ARHGAP8: variants seen among roughly 807,000 people sequenced by gnomAD.
ARHGAP8 encodes Rho GTPase activating protein 8.
A neutral mutation model predicts 46.1 loss-of-function variants in ARHGAP8; 62 were observed. The ratio of observed to expected loss-of-function variants is 1.34; its 90% CI spans 1.10 to 1.66. The LOEUF (loss-of-function observed/expected upper bound fraction) is 1.66. Among genes scored for constraint, ARHGAP8 ranks in the 40% most tolerant of loss-of-function variants. The probability of loss-of-function intolerance (pLI) is 0.00; values close to 1 mark genes in which losing one functional copy is unlikely to be tolerated. For synonymous variants in ARHGAP8, 375 were observed against 243.1 expected, an observed-to-expected ratio of 1.54 and a Z score of -5.05; for missense variants, 923 against 568.4, an observed-to-expected ratio of 1.62 and a Z score of -6.34.
At position 44,817,880 on chromosome 22, in the gene ARHGAP8, C is replaced by T. The variant is rs567019773; in HGVS notation, c.386+3122C>T. 5.3e-5 allele frequency among the ~76,000 whole-genome samples: 8 copies of T among 152,138 alleles called. No homozygotes were observed. In the East Asian group the frequency reaches 1.5e-3, roughly 29 times the overall value. On this transcript the variant is annotated intron_variant, in intron 5 of 11. Transcript: ENST00000356099. Reference sequence around the variant, plus strand: ...CTGTAATCCCAACACTTTGGGAGGCCAAGGCAGGTGGATCACTTGAGCCCA... The same window carrying T: ...CTGTAATCCCAACACTTTGGGAGGCTAAGGCAGGTGGATCACTTGAGCCCA...
intron 10 of ARHGAP8, among the ~76,000 whole-genome samples, chr22:44,859,358 C>T (rs1267517460): frequency 6.6e-6 from 1 of 152,052 alleles, no homozygotes; most frequent in South Asian, 2.1e-4. Flanking sequence ...CACCTCTGTC[C>T]CACTCTCTCT....
intron 8 of ARHGAP8, 86 bp from the exon 9 acceptor site, chr22:44,847,887 T>G: frequency 6.5e-7 from 1 of 1,535,292 alleles, no homozygotes; most frequent in Non-Finnish European, 8.8e-7. Flanking sequence ...AGGTGGGTGA[T>G]GCCGTGGGCA....
intron 7 of ARHGAP8, among the ~76,000 whole-genome samples, chr22:44,834,033 C>T (rs1931129197): frequency 6.6e-6 from 1 of 152,038 alleles, no homozygotes; most frequent in Non-Finnish European, 1.5e-5. Context: ...TTTGAATCTT[C>T]ACCCTTTTTT....
chr22:44,761,696 GA>G (rs1237480298), intron 1 of ARHGAP8, among the ~76,000 whole-genome samples: 2 of 152,188 alleles, frequency 1.3e-5, no homozygotes, highest in African/African-American at 4.8e-5. Flanking sequence ...CTCCTGTTTG[GA>G]AAGAGAGAAT....
At chr22:44,780,503 A>C (rs1926764854) in intron 1 of ARHGAP8, among the ~76,000 whole-genome samples, 1 of 152,030 alleles carries the variant, frequency 6.6e-6, no homozygotes, top group Non-Finnish European at 1.5e-5. Flanking sequence ...TCTATTAAAA[A>C]CACAAAAAAT....
rs1476514881 is a variant in ARHGAP8, at chr22:44,814,633, G to A, written c.300-39G>A. On this transcript the variant is annotated intron_variant, in intron 4 of 11. Coordinates refer to ENST00000356099, the MANE Select transcript of ARHGAP8 (RefSeq NM_181335.3). ...TATTGGGCGTGGGGTGTTTCTCGGA[G>A]CGCGGCAGCCTGAAGTCATCCCCCG... 3.1e-6 allele frequency: 5 copies of A among 1,592,132 alleles called. 1 individual carries two copies. In the South Asian group the frequency reaches 5.6e-5, roughly 18 times the overall value.
chr22:44,834,915 G>T (rs569953368), intron 7 of ARHGAP8, among the ~76,000 whole-genome samples: 1 of 152,084 alleles, frequency 6.6e-6, no homozygotes, highest in African/African-American at 2.4e-5. Context: ...TATTAATATA[G>T]CCATTATAGC....
At chr22:44,838,639 C>T (rs1310088820) in intron 7 of ARHGAP8, among the ~76,000 whole-genome samples, 2 of 152,166 alleles carry the variant, frequency 1.3e-5, no homozygotes, top group East Asian at 1.9e-4. Flanking sequence ...TTCAGGAACT[C>T]GTCCTCATAA....
chr22:44,788,695 GTTA>G (rs954651964), intron 2 of ARHGAP8, among the ~76,000 whole-genome samples: 8 of 152,068 alleles, frequency 5.3e-5, no homozygotes, highest in African/African-American at 1.9e-4. Context: ...ATGCTGGCCG[GTTA>G]TTATTATTTT....
chr22:44,862,080 C>G lies in ARHGAP8; in HGVS notation c.982-195C>G, dbSNP rs796935970. Among the ~76,000 whole-genome samples, 18 of 152,294 alleles carry G rather than the reference C, an allele frequency of 1.2e-4. 1 individual carries two copies. The highest frequency in any genetic ancestry group is 3.8e-4 in the African/African-American group (16 of 41,572). On this transcript the variant is annotated intron_variant, in intron 11 of 11. Coordinates refer to ENST00000356099, the MANE Select transcript of ARHGAP8 (RefSeq NM_181335.3). ...GGTCCTCCAGGACATGGAGGCCAAG[C>G]CTTCCTTTTAGAGATAGGGTAACTA...
chr22:44,806,595 G>A (rs540226208), intron 3 of ARHGAP8, among the ~76,000 whole-genome samples: 6 of 152,114 alleles, frequency 3.9e-5, no homozygotes, highest in Admixed American at 3.3e-4. Context: ...AGAATTAAAC[G>A]TGTAGAAGGC....
chr22:44,806,903 G>T (rs554516815), intron 3 of ARHGAP8, among the ~76,000 whole-genome samples: 102 of 150,284 alleles, frequency 6.8e-4, no homozygotes, highest in African/African-American at 2.3e-3. Context: ...GGCGGAGCTT[G>T]CAGTGAGCCG....
intron 11 of ARHGAP8, among the ~76,000 whole-genome samples, chr22:44,861,924 G>T (rs189867916): frequency 1.3e-5 from 2 of 152,104 alleles, no homozygotes; most frequent in Admixed American, 6.5e-5. Context: ...TCACAGAGCC[G>T]AGGCCAGAGA....
intron 6 of ARHGAP8, among the ~76,000 whole-genome samples, chr22:44,825,197 G>T (rs187442918): frequency 2.1e-3 from 313 of 152,190 alleles, no homozygotes; most frequent in African/African-American, 7.2e-3. Context: ...CCTTGGGGCT[G>T]ACCGCATGGT....
At chr22:44,853,095 T>A (rs2070137139) in intron 10 of ARHGAP8, among the ~76,000 whole-genome samples, 1 of 147,910 alleles carries the variant, frequency 6.8e-6, no homozygotes. Flanking sequence ...AGCCACCGTG[T>A]CCGGCCTAAA....
At chr22:44,784,240 C>T (rs1927052293) in intron 1 of ARHGAP8, among the ~76,000 whole-genome samples, 1 of 152,094 alleles carries the variant, frequency 6.6e-6, no homozygotes, top group Non-Finnish European at 1.5e-5. Context: ...CCTGTCTCTA[C>T]TAAAAAGACA....
chr22:44,831,434 GC>G (rs1930936767), intron 7 of ARHGAP8, among the ~76,000 whole-genome samples: 1 of 152,124 alleles, frequency 6.6e-6, no homozygotes, highest in African/African-American at 2.4e-5. Context: ...GGTGGCTCAC[GC>G]CTATAATCCC....
chr22:44,830,671 T>C (rs913235656), intron 7 of ARHGAP8, among the ~76,000 whole-genome samples: 2 of 152,016 alleles, frequency 1.3e-5, no homozygotes, highest in African/African-American at 4.8e-5. Flanking sequence ...CGAGTATGTG[T>C]GACTACAGGT....
chr22:44,811,815 G>A (rs941125993), intron 4 of ARHGAP8, among the ~76,000 whole-genome samples: 1 of 152,038 alleles, frequency 6.6e-6, no homozygotes, highest in Non-Finnish European at 1.5e-5. Flanking sequence ...GGCCAACATG[G>A]TGAAACCCCA....
Sources: allele counts gnomAD v4.1 joint callset (sites outside exome capture counted in the v4.1 genomes callset), GRCh38; gene constraint gnomAD v4.1.1; transcripts MANE v1.5; gene names NCBI Gene and HGNC (gene_info 2026-07-23, HGNC 2026-07-21).